CSMD1: variants seen among roughly 807,000 people sequenced by gnomAD.
CSMD1 encodes the protein CUB and sushi domain-containing protein 1.
CSMD1 carries 213 observed loss-of-function variants against 417.5 expected under a neutral mutation model. The ratio of observed to expected loss-of-function variants is 0.51; its 90% confidence interval spans 0.46 to 0.57. The LOEUF is 0.57. Among genes scored for constraint, CSMD1 ranks in the 20% least tolerant of loss-of-function variants. The pLI is 0.00. For missense variants in CSMD1, 6,923 were observed against 4,529.7 expected (o/e 1.53, Z -15.17); for synonymous variants, 2,862 against 1,736.8 (o/e 1.65, Z -16.11).
At chr8:3,276,964 A>G (rs1268090106) in intron 26 of CSMD1, among the ~76,000 whole-genome samples, 4 of 152,116 alleles carry the variant, frequency 2.6e-5, no homozygotes, top group African/African-American at 9.7e-5. Flanking sequence ...TAGAAGTATA[A>G]ACATTGTGTT....
chr8:4,136,036 A>T lies in CSMD1; in HGVS notation c.416-103937T>A, dbSNP rs577251928. On this transcript the variant is annotated intron_variant, in intron 3 of 69. Coordinates refer to ENST00000635120, the MANE Select transcript of CSMD1 (RefSeq NM_033225.6). Reference sequence around the variant, plus strand: ...CAAAAAATATTATGGGTAAAAACCAAAGAAGAATTTTAAATGGCACTTGGC... The same window carrying T: ...CAAAAAATATTATGGGTAAAAACCATAGAAGAATTTTAAATGGCACTTGGC... 2.0e-5 allele frequency among the ~76,000 whole-genome samples: 3 copies of T among 152,318 alleles called. No individual in the cohort carries two copies. The East Asian group carries it at 5.8e-4, about 29-fold the overall frequency.
At chr8:3,360,438 A>C (rs1047486257) in intron 20 of CSMD1, among the ~76,000 whole-genome samples, 6 of 152,178 alleles carry the variant, frequency 3.9e-5, no homozygotes, top group African/African-American at 7.2e-5. Flanking sequence ...TGGTTTTGAC[A>C]GTGGGAAGTG....
chr8:4,474,203 G>C (rs1455112117), intron 2 of CSMD1, among the ~76,000 whole-genome samples: 1 of 152,052 alleles, frequency 6.6e-6, no homozygotes, highest in Non-Finnish European at 1.5e-5. Context: ...TTAAATGTAA[G>C]AACGGCCTAC....
intron 3 of CSMD1, among the ~76,000 whole-genome samples, chr8:4,037,529 T>A (rs573714893): frequency 6.6e-6 from 1 of 152,238 alleles, no homozygotes; most frequent in Non-Finnish European, 1.5e-5. Context: ...TTAGAAGAAT[T>A]TGAAAAACAC....
At chr8:4,750,238 A>ACATTGTG (rs147294318) in intron 1 of CSMD1, among the ~76,000 whole-genome samples, 3,229 of 152,078 alleles carry the variant, frequency 0.021, 108 homozygotes, top group African/African-American at 0.073. Flanking sequence ...CGATCTCCCG[A>ACATTGTG]CATTGTGATC....
chr8:3,984,978 T>C (rs543737145), intron 5 of CSMD1, among the ~76,000 whole-genome samples: 4 of 152,190 alleles, frequency 2.6e-5, no homozygotes, highest in South Asian at 2.1e-4. Context: ...TTGGGAAAGA[T>C]GGATTATTCC....
intron 5 of CSMD1, among the ~76,000 whole-genome samples, chr8:3,845,515 A>G (rs376592540): frequency 1.3e-5 from 2 of 152,220 alleles, no homozygotes; most frequent in East Asian, 3.8e-4. Context: ...GGTACTTGCC[A>G]TGAATGGAGC....
At chr8:3,752,905 T>G (rs1277759618) in intron 6 of CSMD1, among the ~76,000 whole-genome samples, 1 of 152,136 alleles carries the variant, frequency 6.6e-6, no homozygotes, top group East Asian at 1.9e-4. Context: ...CATTATGGAT[T>G]TTAAAATGTG....
chr8:3,135,734 T>C (rs748768842), intron 41 of CSMD1, among the ~76,000 whole-genome samples: 3 of 152,176 alleles, frequency 2.0e-5, no homozygotes, highest in Non-Finnish European at 2.9e-5. Flanking sequence ...GTGACCCAAG[T>C]TGACCTAACA....
intron 5 of CSMD1, among the ~76,000 whole-genome samples, chr8:3,936,900 T>A (rs533644263): frequency 1.3e-5 from 2 of 152,278 alleles, no homozygotes; most frequent in South Asian, 4.1e-4. Flanking sequence ...GAATTCCCCA[T>A]TCCAATGATA....
At chr8:4,341,020 T>G (rs1800447796) in intron 3 of CSMD1, among the ~76,000 whole-genome samples, 1 of 152,078 alleles carries the variant, frequency 6.6e-6, no homozygotes, top group African/African-American at 2.4e-5. Context: ...TTCAGAAAAT[T>G]ACATATTCAA....
chr8:3,926,096 C>CACACAAACACCATACAG (rs1809683115), intron 5 of CSMD1, among the ~76,000 whole-genome samples: 1 of 81,142 alleles, frequency 1.2e-5, no homozygotes, highest in African/African-American at 5.3e-5. Flanking sequence ...CACACACACA[C>CACACAAACACCATACAG]ACACACACAC....
chr8:4,807,290 G>A (rs1008466760), intron 1 of CSMD1, among the ~76,000 whole-genome samples: 4 of 152,100 alleles, frequency 2.6e-5, no homozygotes, highest in Non-Finnish European at 5.9e-5. Context: ...TTTGGACATG[G>A]CCCTATGACA....
rs75002886 is a variant in CSMD1 at position 3,685,612 on chromosome 8, C to G, written c.1009+22802G>C. 6.3e-4 allele frequency among the ~76,000 whole-genome samples: 96 copies of G among 152,214 alleles called. No individual in the cohort carries two copies. The East Asian group carries it at 0.013, about 20-fold the overall frequency. On this transcript the variant is annotated intron_variant, in intron 7 of 69. Transcript: ENST00000635120. ...CATCTCATTGCCTGGATATGGTGAT[C>G]TGGTGAGTTTCATTTCTTTGAGACT...
chr8:4,488,988 T>C (rs1213711727), intron 2 of CSMD1, among the ~76,000 whole-genome samples: 1 of 152,190 alleles, frequency 6.6e-6, no homozygotes, highest in African/African-American at 2.4e-5. Context: ...CTTGGCTCAC[T>C]GCACGTCCGC....
chr8:3,922,693 T>C (rs1294127984), intron 5 of CSMD1, among the ~76,000 whole-genome samples: 1 of 152,224 alleles, frequency 6.6e-6, no homozygotes, highest in South Asian at 2.1e-4. Context: ...CTGTATTTTA[T>C]GTTGTTGATA....
chr8:4,669,417 A>C (rs1353138157), intron 1 of CSMD1, among the ~76,000 whole-genome samples: 1 of 152,210 alleles, frequency 6.6e-6, no homozygotes, highest in Admixed American at 6.5e-5. Context: ...TTGAGAAAAT[A>C]GTTGTAGTTT....
In CSMD1 at chr8:3,155,460, C is replaced by T. The variant is rs188938065; in HGVS notation, c.5914+2437G>A. Reference sequence around the variant, plus strand: ...TTGGCTCACTGCAAGCTCCGCCTCCCAGGTTCACGCCATTCTCCTGCCTCA... The same window carrying T: ...TTGGCTCACTGCAAGCTCCGCCTCCTAGGTTCACGCCATTCTCCTGCCTCA... On this transcript the variant is annotated intron_variant, in intron 39 of 69. Coordinates refer to ENST00000635120, the MANE Select transcript of CSMD1 (RefSeq NM_033225.6). Among the ~76,000 whole-genome samples the T allele has an allele frequency of 2.9e-3, 419 of 142,486 alleles. 4 individuals are homozygous for T. Among genetic ancestry groups the T allele is most frequent in the African/African-American group, 1.0e-2 (389 of 38,936 alleles). 93.5% of individuals were successfully genotyped at this position (142,486 alleles called of 152,430 possible).
At chr8:3,704,980 G>A (rs1357639992) in intron 7 of CSMD1, 1 of 152,172 alleles carries the variant, frequency 6.6e-6, no homozygotes, top group Non-Finnish European at 1.5e-5. Context: ...TTAACATCTA[G>A]AACTTTGGGT....
Sources: allele counts gnomAD v4.1 joint callset (sites outside exome capture counted in the v4.1 genomes callset), GRCh38; gene constraint gnomAD v4.1.1; transcripts MANE v1.5; gene names NCBI Gene and HGNC (gene_info 2026-07-23, HGNC 2026-07-21).